SPMIP2: variants seen among roughly 807,000 people sequenced by gnomAD.
SPMIP2 encodes protein SPMIP2.
At chr4:158,895,129 A>G in the SPMIP2 span, among the ~76,000 whole-genome samples, 5 of 152,306 alleles carry the variant, frequency 3.3e-5, no homozygotes, top group Admixed American at 1.3e-4. Flanking sequence ...TTCCAAGGGT[A>G]AAGATGTCCT....
chr4:159,036,898 T>C, the SPMIP2 span, among the ~76,000 whole-genome samples: 1 of 152,200 alleles, frequency 6.6e-6, no homozygotes, highest in Non-Finnish European at 1.5e-5. Context: ...TAGCTGAAAG[T>C]ATCTTTCTTT....
the SPMIP2 span, among the ~76,000 whole-genome samples, chr4:158,987,378 A>G: frequency 2.0e-5 from 3 of 152,256 alleles, no homozygotes; most frequent in East Asian, 5.8e-4. Flanking sequence ...ACTTGGAACC[A>G]ACCCAAATGT....
the SPMIP2 span, among the ~76,000 whole-genome samples, chr4:159,055,848 G>C: frequency 6.6e-6 from 1 of 152,204 alleles, no homozygotes; most frequent in Non-Finnish European, 1.5e-5. Context: ...TAGGGAAATA[G>C]GGGGTCCTTC....
At chr4:159,000,233 C>T in the SPMIP2 span, among the ~76,000 whole-genome samples, 1 of 152,108 alleles carries the variant, frequency 6.6e-6, no homozygotes, top group African/African-American at 2.4e-5. Flanking sequence ...TTGCATGGTA[C>T]ATATTCATAC....
At chr4:159,040,944 T>A in the SPMIP2 span, among the ~76,000 whole-genome samples, 1 of 152,212 alleles carries the variant, frequency 6.6e-6, no homozygotes, top group Non-Finnish European at 1.5e-5. Flanking sequence ...GGATGTAAAG[T>A]GCTTGCCACA....
the SPMIP2 span, among the ~76,000 whole-genome samples, chr4:158,927,902 G>A: frequency 6.6e-6 from 1 of 152,206 alleles, no homozygotes; most frequent in Non-Finnish European, 1.5e-5. Flanking sequence ...CACCTGCGCT[G>A]CACTCGATTT....
the SPMIP2 span, among the ~76,000 whole-genome samples, chr4:159,064,633 TG>T: frequency 5.9e-5 from 9 of 152,344 alleles, no homozygotes; most frequent in South Asian, 1.9e-3. Context: ...ACAATGTCTA[TG>T]GTTTCCTCTC....
the SPMIP2 span, chr4:159,035,008 G>A: frequency 1.3e-6 from 2 of 1,592,198 alleles, no homozygotes; most frequent in Non-Finnish European, 1.7e-6. Context: ...ATCTCCTTGT[G>A]AAAGCAAACA....
At chr4:159,002,895 C>T in the SPMIP2 span, among the ~76,000 whole-genome samples, 1 of 152,094 alleles carries the variant, frequency 6.6e-6, no homozygotes, top group Non-Finnish European at 1.5e-5. Flanking sequence ...ACCTGAATTA[C>T]TTTTTTCTCT....
chr4:159,065,031 G>A, the SPMIP2 span, among the ~76,000 whole-genome samples: 1 of 152,238 alleles, frequency 6.6e-6, no homozygotes, highest in Non-Finnish European at 1.5e-5. Flanking sequence ...GCAGAATGGT[G>A]ACGGGGAAGA....
chr4:158,894,452 G>A, the SPMIP2 span, among the ~76,000 whole-genome samples: 5 of 152,062 alleles, frequency 3.3e-5, no homozygotes, highest in Non-Finnish European at 7.4e-5. Flanking sequence ...GATTACATGC[G>A]TGAGCCACTA....
At chr4:158,949,931 T>C in the SPMIP2 span, among the ~76,000 whole-genome samples, 4 of 152,210 alleles carry the variant, frequency 2.6e-5, no homozygotes, top group East Asian at 7.7e-4. Flanking sequence ...TTCAAGCAAA[T>C]GAAAAACTGG....
the SPMIP2 span, among the ~76,000 whole-genome samples, chr4:159,069,842 T>C: frequency 3.3e-5 from 5 of 152,296 alleles, no homozygotes; most frequent in South Asian, 1.0e-3. Flanking sequence ...ATTTAAATAT[T>C]GTCTCTATTT....
chr4:159,054,670 G>A, the SPMIP2 span, among the ~76,000 whole-genome samples: 1 of 152,124 alleles, frequency 6.6e-6, no homozygotes, highest in Non-Finnish European at 1.5e-5. Flanking sequence ...ACACAAAATG[G>A]AAAACAACTT....
At chr4:159,033,276 G>A in the SPMIP2 span, among the ~76,000 whole-genome samples, 3 of 151,842 alleles carry the variant, frequency 2.0e-5, no homozygotes, top group African/African-American at 7.3e-5. Flanking sequence ...AAAGATCAGT[G>A]GTTGCCAGGA....
At chr4:159,060,666 C>G in the SPMIP2 span, among the ~76,000 whole-genome samples, 1 of 152,172 alleles carries the variant, frequency 6.6e-6, no homozygotes, top group African/African-American at 2.4e-5. Flanking sequence ...AGATGGAGAC[C>G]ACAGTGTCAT....
the SPMIP2 span, among the ~76,000 whole-genome samples, chr4:159,074,193 A>G: frequency 2.0e-5 from 3 of 152,110 alleles, no homozygotes; most frequent in Admixed American, 6.6e-5. Context: ...ACTTTTTACC[A>G]TTATTTCAAT....
At chr4:158,978,819 A>T in the SPMIP2 span, among the ~76,000 whole-genome samples, 2 of 152,046 alleles carry the variant, frequency 1.3e-5, no homozygotes, top group Non-Finnish European at 2.9e-5. Context: ...GTCTTTGCAC[A>T]TGAGATGGGC....
chr4:158,949,777 T>A, the SPMIP2 span, among the ~76,000 whole-genome samples: 1 of 152,216 alleles, frequency 6.6e-6, no homozygotes, highest in African/African-American at 2.4e-5. Flanking sequence ...GCCTGTTGAA[T>A]GTGGCTGCTA....
Sources: gnomAD v4.1 joint callset for allele counts (sites outside exome capture counted in the v4.1 genomes callset) on GRCh38, gnomAD v4.1.1 for gene constraint, MANE v1.5 for transcripts, NCBI Gene and HGNC (gene_info 2026-07-23, HGNC 2026-07-21) for gene names.